The following CYYR1 variants were observed in gnomAD, a reference collection of about 807,000 sequenced individuals.
CYYR1 encodes cysteine and tyrosine rich 1, also known as cysteine and tyrosine-rich protein 1.
CYYR1 carries 14 observed loss-of-function variants against 15.2 expected under a neutral mutation model. The ratio of observed to expected loss-of-function variants is 0.92; its 90% CI spans 0.61 to 1.44. The LOEUF (loss-of-function observed/expected upper bound fraction) is 1.44. CYYR1 is among the 40% of genes most tolerant of loss of function. CYYR1 has a pLI of 0.00. For missense variants in CYYR1, 228 were observed against 209.5 expected, an observed-to-expected ratio of 1.09 and a Z score of -0.54; for synonymous variants, 80 against 77.4, an observed-to-expected ratio of 1.03 and a Z score of -0.18.
intron 2 of CYYR1, among the ~76,000 whole-genome samples, chr21:26,524,500 C>T (rs1395676637): frequency 6.6e-6 from 1 of 152,144 alleles, no homozygotes; most frequent in African/African-American, 2.4e-5. Flanking sequence ...ACAAACTGTA[C>T]AAGACATTTA....
At chr21:26,518,844 G>A (rs968928801) in intron 2 of CYYR1, among the ~76,000 whole-genome samples, 1 of 152,152 alleles carries the variant, frequency 6.6e-6, no homozygotes, top group South Asian at 2.1e-4. Flanking sequence ...CAGGATCAGG[G>A]TATCACAATG....
chr21:26,531,185 C>T (rs181071386), intron 2 of CYYR1, among the ~76,000 whole-genome samples: 5 of 152,280 alleles, frequency 3.3e-5, no homozygotes, highest in Admixed American at 1.3e-4. Context: ...AGGGACACCT[C>T]GTCGGATTGG....
intron 2 of CYYR1, among the ~76,000 whole-genome samples, chr21:26,517,144 A>AAAG (rs1491223332): frequency 0.024 from 2,636 of 111,278 alleles, 278 homozygotes; most frequent in African/African-American, 0.043. Flanking sequence ...AAAAAAAAAA[A>AAAG]GAATTCACTG....
At chr21:26,537,672 G>A (rs1356307282) in intron 2 of CYYR1, among the ~76,000 whole-genome samples, 46 of 152,142 alleles carry the variant, frequency 3.0e-4, no homozygotes, top group Non-Finnish European at 1.5e-5. Flanking sequence ...GCAGGGTGGA[G>A]CCAGCCTGAT....
Position 26,546,767 on chromosome 21 carries a change from C to T in CYYR1, c.176+19499G>A, listed in dbSNP as rs780074921. On this transcript the variant is annotated intron_variant, in intron 2 of 3. Coordinates refer to ENST00000652641, the MANE Select transcript of CYYR1 (RefSeq NM_001320768.2). The stretch of plus-strand genomic sequence containing the variant: ...GGAAGAAGCCCATGCAGTACACCAA[C>T]CCGAGAGAGAAAGCTTTATTAACGT... Among the ~76,000 whole-genome samples, 216 of 152,268 alleles carry T rather than the reference C, an allele frequency of 1.4e-3. 1 individual carries two copies. Among genetic ancestry groups the T allele is most frequent in the Non-Finnish European group, 2.6e-3 (176 of 68,014 alleles).
rs925753168 is a variant in CYYR1, at chr21:26,467,608, G to T, written c.*893C>A. On this transcript the variant is annotated 3_prime_UTR_variant, in exon 4 of 4. Transcript: ENST00000652641. The stretch of plus-strand genomic sequence containing the variant: ...GGAAGTGAAGTGTCTGCTACCTGTG[G>T]AACTTGATACAATTTTTTTTTTCTC... 2 of 151,982 alleles carry T rather than the reference G, an allele frequency of 1.3e-5. 1 individual carries two copies. Among genetic ancestry groups the T allele is most frequent in the African/African-American group, 4.8e-5 (2 of 41,384 alleles). The allele number at this position is 151,982 out of a possible 1,614,324, so 9.4% of individuals were successfully genotyped here. A position where few individuals can be genotyped will look rare whatever the true frequency, so the allele number is the denominator to read the frequency against.
chr21:26,519,300 T>TAA (rs1431013899), intron 2 of CYYR1, among the ~76,000 whole-genome samples: 3 of 152,004 alleles, frequency 2.0e-5, no homozygotes, highest in Non-Finnish European at 4.4e-5. Context: ...GTACAAAGTA[T>TAA]AAAAGAATGA....
chr21:26,517,443 T>C (rs893910863), intron 2 of CYYR1, among the ~76,000 whole-genome samples: 1 of 152,188 alleles, frequency 6.6e-6, no homozygotes, highest in Non-Finnish European at 1.5e-5. Context: ...CTATATTTAG[T>C]TTGAAAAAAA....
intron 2 of CYYR1, among the ~76,000 whole-genome samples, chr21:26,510,056 GCT>G (rs2065625375): frequency 6.6e-6 from 1 of 152,136 alleles, no homozygotes; most frequent in South Asian, 2.1e-4. Flanking sequence ...TATTCACATG[GCT>G]TCAATTTAGG....
At chr21:26,528,818 G>T (rs914476098) in intron 2 of CYYR1, among the ~76,000 whole-genome samples, 4 of 152,136 alleles carry the variant, frequency 2.6e-5, no homozygotes, top group African/African-American at 9.7e-5. Flanking sequence ...TACAGTTACG[G>T]GAGCTTAAGT....
intron 2 of CYYR1, among the ~76,000 whole-genome samples, chr21:26,528,673 C>G (rs547169849): frequency 2.8e-4 from 43 of 152,264 alleles, no homozygotes; most frequent in African/African-American, 9.9e-4. Context: ...AAGGAATGAA[C>G]TAACACAGCA....
chr21:26,500,833 T>C (rs1286434221), intron 2 of CYYR1, among the ~76,000 whole-genome samples: 2 of 152,122 alleles, frequency 1.3e-5, no homozygotes, highest in African/African-American at 4.8e-5. Flanking sequence ...AGATTAGACA[T>C]TTAAAATTTC....
rs566735027 is a variant in CYYR1, at chr21:26,466,435, C to T, written c.*2066G>A. On this transcript the variant is annotated 3_prime_UTR_variant, in exon 4 of 4. Transcript: ENST00000652641. Reference sequence around the variant, plus strand: ...ACTTAATACAAATAGTAAAAATACTCATCTATTGTAGGCTTATGGGTTTGT... The same window carrying T: ...ACTTAATACAAATAGTAAAAATACTTATCTATTGTAGGCTTATGGGTTTGT... The T allele has an allele frequency of 3.3e-5, 5 of 152,216 alleles. No homozygotes were observed. The East Asian group carries it at 9.7e-4, about 29-fold the overall frequency. The allele number at this position is 152,216 out of a possible 1,614,324, so 9.4% of individuals were successfully genotyped here.
intron 2 of CYYR1, among the ~76,000 whole-genome samples, chr21:26,496,894 A>T (rs1026926861): frequency 2.0e-5 from 3 of 152,200 alleles, no homozygotes; most frequent in African/African-American, 7.2e-5. Flanking sequence ...GGTATACATT[A>T]ATTTCATTTA....
At chr21:26,520,236 T>C (rs1236102) in intron 2 of CYYR1, among the ~76,000 whole-genome samples, 102,793 of 145,570 alleles carry the variant, frequency 0.71, 37,525 homozygotes, top group African/African-American at 0.88. Context: ...CCTCAACCCC[T>C]ACCCCCCAAC....
Position 26,531,328 on chromosome 21 carries a change from A to G in CYYR1, c.176+34938T>C, listed in dbSNP as rs567773694. 2.6e-5 allele frequency among the ~76,000 whole-genome samples: 4 copies of G among 152,176 alleles called. No homozygotes were observed. The East Asian group carries it at 7.7e-4, about 29-fold the overall frequency. On this transcript the variant is annotated intron_variant, in intron 2 of 3. Coordinates refer to ENST00000652641, the MANE Select transcript of CYYR1 (RefSeq NM_001320768.2). Reference sequence around the variant, plus strand: ...CCGCGGCTGAAATTCCCATAAAAATAATGTCTATGTCATGTACTTTCCCCT... The same window carrying G: ...CCGCGGCTGAAATTCCCATAAAAATGATGTCTATGTCATGTACTTTCCCCT...
At chr21:26,476,844 A>G (rs890028413) in intron 3 of CYYR1, among the ~76,000 whole-genome samples, 1 of 152,174 alleles carries the variant, frequency 6.6e-6, no homozygotes, top group African/African-American at 2.4e-5. Flanking sequence ...AAAAGGGTTA[A>G]TATGATCACT....
intron 2 of CYYR1, among the ~76,000 whole-genome samples, chr21:26,515,176 T>G (rs222925): frequency 0.68 from 102,901 of 151,990 alleles, 35,175 homozygotes; most frequent in Middle Eastern, 0.76. Flanking sequence ...GGGAATTGCT[T>G]TGGATCTCTG....
intron 2 of CYYR1, chr21:26,564,878 T>A: frequency 9.2e-7 from 1 of 1,089,276 alleles, no homozygotes; most frequent in Non-Finnish European, 1.2e-6. Context: ...ATTAATAATA[T>A]ATTTTGTTAC....
Sources: allele counts gnomAD v4.1 joint callset (sites outside exome capture counted in the v4.1 genomes callset), GRCh38; gene constraint gnomAD v4.1.1; transcripts MANE v1.5; gene names NCBI Gene and HGNC (gene_info 2026-07-23, HGNC 2026-07-21).